The following LRRFIP1 variants were observed in gnomAD, a reference collection of about 807,000 sequenced individuals.
The protein encoded by LRRFIP1 is leucine-rich repeat flightless-interacting protein 1.
Under a neutral mutation model 104.4 loss-of-function variants are expected in LRRFIP1, and 62 were observed. The ratio of observed to expected loss-of-function variants is 0.59; its 90% CI spans 0.48 to 0.73. The LOEUF is 0.73. Ranked by LOEUF, LRRFIP1 falls within the 30% of genes least tolerant of loss-of-function variation. The pLI is 0.00. For synonymous variants in LRRFIP1, 300 were observed against 299.0 expected (o/e 1.00, Z -0.03); for missense variants, 796 against 824.5 (o/e 0.97, Z 0.42).
chr2:237,648,018 T>C (rs1305731497), intron 1 of LRRFIP1, among the ~76,000 whole-genome samples: 2 of 152,058 alleles, frequency 1.3e-5, no homozygotes, highest in Non-Finnish European at 2.9e-5. Context: ...AAATAATCAG[T>C]ACAGCTTCCG....
chr2:237,717,609 C>G lies in LRRFIP1; in HGVS notation c.202-153C>G. ...ACGGGTGGCGGTCCCTGTGGAGAAG[C>G]CAGGCCTGGTGCCGACTGCTTTGCC... On this transcript the variant is annotated intron_variant, in intron 3 of 23. Transcript: ENST00000308482. The surrounding 1 kb of genome is among the most constrained non-coding windows in gnomAD (Gnocchi z 4.2). 1.4e-6 allele frequency: 1 copy of G among 716,708 alleles called. No individual in the cohort carries two copies. 44.4% of individuals were successfully genotyped at this position (716,708 alleles called of 1,614,324 possible).
rs997751927 is a variant in LRRFIP1 at position 237,726,554 on chromosome 2, C to T, written c.385-1322C>T. Among the ~76,000 whole-genome samples, 19 of 152,210 alleles carry T rather than the reference C, an allele frequency of 1.2e-4. No homozygotes were observed. In the East Asian group the frequency reaches 1.5e-3, roughly 12 times the overall value. On this transcript the variant is annotated intron_variant, in intron 7 of 23. Transcript: ENST00000308482. ...TCATTTTCATCTCATTTAATCCTCA[C>T]GATGGCTTTGTAATGTATTTATTAT... is the stretch of plus-strand genomic sequence containing the variant.
rs1399977201 is a variant in LRRFIP1, at chr2:237,738,533, C to T, written c.556-699C>T. ...CAAATCCTGCCCCCGCCCCACCATG[C>T]CTTGCTCAGGAAGAATATGAGAATG... On this transcript the variant is annotated intron_variant, in intron 10 of 23. Coordinates refer to ENST00000308482, the MANE Select transcript of LRRFIP1 (RefSeq NM_001137550.2). Among the ~76,000 whole-genome samples, 3 of 152,176 alleles carry T rather than the reference C, an allele frequency of 2.0e-5. No individual in the cohort carries two copies. The South Asian group carries it at 6.2e-4, about 32-fold the overall frequency.
chr2:237,665,240 T>TA (rs886739738), intron 1 of LRRFIP1, among the ~76,000 whole-genome samples: 1 of 151,826 alleles, frequency 6.6e-6, no homozygotes, highest in African/African-American at 2.4e-5. Flanking sequence ...TAATTTAGCT[T>TA]AAAAAAAGAA....
intron 1 of LRRFIP1, among the ~76,000 whole-genome samples, chr2:237,694,168 C>T (rs557984949): frequency 6.6e-6 from 1 of 152,194 alleles, no homozygotes; most frequent in Admixed American, 6.5e-5. Flanking sequence ...AATTTTCTTA[C>T]GTTTCTCTGC....
intron 1 of LRRFIP1, among the ~76,000 whole-genome samples, chr2:237,704,234 C>G (rs2093693154): frequency 6.6e-6 from 1 of 150,594 alleles, no homozygotes. Flanking sequence ...CTCACCGCAA[C>G]CTCCACCTCC....
In LRRFIP1 at chr2:237,633,661, T is replaced by A. The variant is rs969341040; in HGVS notation, c.96+5921T>A. On this transcript the variant is annotated intron_variant, in intron 1 of 23. Coordinates refer to ENST00000308482, the MANE Select transcript of LRRFIP1 (RefSeq NM_001137550.2). ...AAGGTGTGCCAGGTACTCTGGAAGC[T>A]TTACTCCCATAGTTTGTTTAAATCC... Among the ~76,000 whole-genome samples, 3 of 152,200 alleles carry A rather than the reference T, an allele frequency of 2.0e-5. No individual in the cohort carries two copies. The South Asian group carries it at 6.2e-4, about 32-fold the overall frequency.
rs998886181 is a variant in LRRFIP1, at chr2:237,649,252, G to A, written c.96+21512G>A. Among the ~76,000 whole-genome samples, 4 of 149,880 alleles carry A rather than the reference G, an allele frequency of 2.7e-5. No individual in the cohort carries two copies. Among genetic ancestry groups the A allele is most frequent in the Non-Finnish European group, 4.5e-5 (3 of 67,378 alleles). On this transcript the variant is annotated intron_variant, in intron 1 of 23. Transcript: ENST00000308482. The surrounding 1 kb of genome is among the most constrained non-coding windows in gnomAD (Gnocchi z 4.1). ...TGCCCAGCTACGAACACTGTAGGCC[G>A]GGCGCGATGGCTCACACCTGTAATC...
intron 1 of LRRFIP1, among the ~76,000 whole-genome samples, chr2:237,654,986 C>A (rs1326466072): frequency 6.6e-6 from 1 of 151,676 alleles, no homozygotes; most frequent in Non-Finnish European, 1.5e-5. Flanking sequence ...GAGTACTCTT[C>A]AGCCTTCAAC....
chr2:237,685,651 A>C (rs1406811590), intron 1 of LRRFIP1, among the ~76,000 whole-genome samples: 1 of 152,148 alleles, frequency 6.6e-6, no homozygotes, highest in Non-Finnish European at 1.5e-5. Context: ...ACAAGATGCC[A>C]GTGCCTGCAG....
At chr2:237,679,430 C>A (rs761528154) in intron 1 of LRRFIP1, among the ~76,000 whole-genome samples, 3 of 152,158 alleles carry the variant, frequency 2.0e-5, no homozygotes, top group Admixed American at 2.0e-4. Context: ...AATGGCAGTT[C>A]TGATGTTCAT....
intron 1 of LRRFIP1, among the ~76,000 whole-genome samples, chr2:237,693,642 AGAAG>A (rs2092965966): frequency 6.6e-6 from 1 of 152,156 alleles, no homozygotes; most frequent in Non-Finnish European, 1.5e-5. Flanking sequence ...GGTTCTTGAA[AGAAG>A]GAAGGGTGGG....
intron 3 of LRRFIP1, among the ~76,000 whole-genome samples, chr2:237,714,811 A>G (rs2094259606): frequency 6.6e-6 from 1 of 152,204 alleles, no homozygotes; most frequent in South Asian, 2.1e-4. Flanking sequence ...GAAGCAGCTG[A>G]GGTTTAGAAG....
chr2:237,694,188 G>A (rs1407579290), intron 1 of LRRFIP1, among the ~76,000 whole-genome samples: 1 of 152,190 alleles, frequency 6.6e-6, no homozygotes, highest in Non-Finnish European at 1.5e-5. Context: ...CAGTCTTGTT[G>A]ATGTCTTTGA....
chr2:237,721,237 T>G (rs969842321), intron 6 of LRRFIP1: 1 of 172,252 alleles, frequency 5.8e-6, no homozygotes, highest in Admixed American at 5.5e-5. Flanking sequence ...GTAAGTTAAT[T>G]ATTATTGAGC....
At chr2:237,754,056 ACAT>A (rs1157091308) in intron 15 of LRRFIP1, among the ~76,000 whole-genome samples, 1 of 152,176 alleles carries the variant, frequency 6.6e-6, no homozygotes, top group Non-Finnish European at 1.5e-5. Flanking sequence ...TTCTAGGAGA[ACAT>A]CTAAGCTAAA....
Position 237,627,681 on chromosome 2 carries a change from C to T in LRRFIP1, c.37C>T (p.Leu13Phe). ...MGTQGSGRKR[L>F]PNRERLTAED... ...CACCCAGGGATCGGGGCGCAAGCGGCTCCCCAACCGGGAGCGGCTCACGGC... is the reference window on the plus strand; with the variant it reads ...CACCCAGGGATCGGGGCGCAAGCGGTTCCCCAACCGGGAGCGGCTCACGGC... The change falls in exon 1 of 24, where the codon CTC becomes TTC. Residue 13 changes from leucine (L) to phenylalanine (F), a missense_variant. By Grantham distance (22) the Leu-to-Phe change is conservative (BLOSUM62 0). Coordinates refer to ENST00000308482, the MANE Select transcript of LRRFIP1 (RefSeq NM_001137550.2). The T allele has an allele frequency of 7.3e-7, 1 of 1,369,264 alleles. No individual in the cohort carries two copies. The highest frequency in any genetic ancestry group is 1.5e-5 in the African/African-American group (1 of 66,220). The allele number at this position is 1,369,264 out of a possible 1,614,324, so 84.8% of individuals were successfully genotyped here. A position where few individuals can be genotyped will look rare whatever the true frequency, so the allele number is the denominator to read the frequency against.
intron 1 of LRRFIP1, among the ~76,000 whole-genome samples, chr2:237,687,649 C>G (rs1410413734): frequency 6.9e-6 from 1 of 145,246 alleles, no homozygotes; most frequent in African/African-American, 2.6e-5. Flanking sequence ...AAAGCAATAA[C>G]ATGAATGTAA....
chr2:237,684,715 G>A (rs1452488253), intron 1 of LRRFIP1, among the ~76,000 whole-genome samples: 1 of 152,104 alleles, frequency 6.6e-6, no homozygotes, highest in Non-Finnish European at 1.5e-5. Flanking sequence ...CTGTAAGACT[G>A]AGAAATACAT....
Sources: allele counts gnomAD v4.1 joint callset (sites outside exome capture counted in the v4.1 genomes callset), GRCh38; gene constraint gnomAD v4.1.1; non-coding constraint Gnocchi (gnomAD v3.1); transcripts MANE v1.5; gene names NCBI Gene and HGNC (gene_info 2026-07-23, HGNC 2026-07-21).